Variants in PDE4D observed in about 807,000 individuals in gnomAD.
PDE4D encodes the protein 3',5'-cyclic-AMP phosphodiesterase 4D.
In PDE4D, 24 loss-of-function variants were observed where a neutral mutation model predicts 87.4. The observed-to-expected ratio is 0.27, with a 90% CI of 0.20 to 0.39. The LOEUF (loss-of-function observed/expected upper bound fraction) is 0.39, where lower values mean the gene tolerates loss of function less well. Ranked by LOEUF, PDE4D falls within the 10% of genes least tolerant of loss-of-function variation. PDE4D has a pLI of 1.00. For missense variants in PDE4D, 714 were observed against 1,041.0 expected (o/e 0.69, Z 4.32); for synonymous variants, 384 against 383.2 (o/e 1.00, Z -0.02).
chr5:60,356,359 C>T (rs1367043481), intron 1 of PDE4D, among the ~76,000 whole-genome samples: 1 of 152,168 alleles, frequency 6.6e-6, no homozygotes, highest in African/African-American at 2.4e-5. Context: ...GTTGTCAATG[C>T]TTTTCTCCGA....
chr5:58,992,439 T>C (rs952521936), intron 7 of PDE4D, among the ~76,000 whole-genome samples: 2 of 152,166 alleles, frequency 1.3e-5, no homozygotes, highest in African/African-American at 2.4e-5. Flanking sequence ...AGAAACTTTA[T>C]ACGCAAATGT....
At chr5:59,066,350 G>A (rs72770700) in intron 5 of PDE4D, among the ~76,000 whole-genome samples, 29 of 152,200 alleles carry the variant, frequency 1.9e-4, no homozygotes, top group Non-Finnish European at 3.4e-4. Flanking sequence ...GGAGCTATTA[G>A]GGCACAAGAA....
rs575798854 is a variant in PDE4D at position 59,244,549 on chromosome 5, T to C, written c.456-28581A>G. Among the ~76,000 whole-genome samples, 4 of 150,696 alleles carry C rather than the reference T, an allele frequency of 2.7e-5. No homozygotes were observed. The South Asian group carries it at 8.4e-4, about 31-fold the overall frequency. Reference sequence around the variant, plus strand: ...AGGTCTCTCTCTCTATATACACACATATATGTATACGTGTACACACATATG... The same window carrying C: ...AGGTCTCTCTCTCTATATACACACACATATGTATACGTGTACACACATATG... On this transcript the variant is annotated intron_variant, in intron 1 of 14. Transcript: ENST00000340635.
chr5:60,308,460 A>G (rs1288667393), intron 1 of PDE4D, among the ~76,000 whole-genome samples: 1 of 152,210 alleles, frequency 6.6e-6, no homozygotes, highest in African/African-American at 2.4e-5. Flanking sequence ...ACGTTGCTGT[A>G]GACATTTAAG....
chr5:59,114,281 T>TA (rs1411206380), intron 5 of PDE4D, among the ~76,000 whole-genome samples: 1 of 152,188 alleles, frequency 6.6e-6, no homozygotes, highest in Non-Finnish European at 1.5e-5. Flanking sequence ...AAGTATATAT[T>TA]AATGGTGGCA....
At chr5:59,588,022 G>A (rs1375540763) in intron 1 of PDE4D, among the ~76,000 whole-genome samples, 3 of 152,140 alleles carry the variant, frequency 2.0e-5, no homozygotes, top group Admixed American at 6.5e-5. Context: ...GGGTGGGGAA[G>A]CCTTGTTTAC....
chr5:60,095,417 A>G (rs531312078), intron 2 of PDE4D, among the ~76,000 whole-genome samples: 37 of 152,292 alleles, frequency 2.4e-4, no homozygotes, highest in Non-Finnish European at 3.1e-4. Context: ...TCTATGGTGT[A>G]TATGTGCCAC....
chr5:59,157,972 G>T (rs1780498019), intron 5 of PDE4D, among the ~76,000 whole-genome samples: 1 of 152,150 alleles, frequency 6.6e-6, no homozygotes, highest in African/African-American at 2.4e-5. Flanking sequence ...GAAGGAAAGG[G>T]TATTGATTTG....
rs971101696 is a variant in PDE4D, at chr5:59,193,396, T to C, written c.684+104A>G. 8 of 1,058,526 alleles carry C rather than the reference T, an allele frequency of 7.6e-6. No homozygotes were observed. The Middle Eastern group carries it at 6.0e-4, about 79-fold the overall frequency. The allele number at this position is 1,058,526 out of a possible 1,614,324, so 65.6% of individuals were successfully genotyped here. A position where few individuals can be genotyped will look rare whatever the true frequency, so the allele number is the denominator to read the frequency against. On this transcript the variant is annotated intron_variant, in intron 3 of 14. Coordinates refer to ENST00000340635, the MANE Select transcript of PDE4D (RefSeq NM_001104631.2). Reference sequence around the variant, plus strand: ...ATGAACCAAGAATTTGTATTTGTACTTGTGCTTGATTTAAAATTAAATTAA... The same window carrying C: ...ATGAACCAAGAATTTGTATTTGTACCTGTGCTTGATTTAAAATTAAATTAA...
chr5:59,393,049 GA>G (rs1244735661), intron 1 of PDE4D, among the ~76,000 whole-genome samples: 1 of 151,990 alleles, frequency 6.6e-6, no homozygotes, highest in African/African-American at 2.4e-5. Flanking sequence ...TGAATGAAAA[GA>G]AAAAGTAATG....
chr5:60,141,778 G>A (rs1321930126), intron 2 of PDE4D, among the ~76,000 whole-genome samples: 2 of 152,052 alleles, frequency 1.3e-5, no homozygotes, highest in Non-Finnish European at 2.9e-5. Flanking sequence ...ATCCTGATAA[G>A]CTGAAACAAT....
intron 2 of PDE4D, among the ~76,000 whole-genome samples, chr5:60,115,354 T>C (rs939056932): frequency 6.6e-6 from 1 of 152,048 alleles, no homozygotes; most frequent in African/African-American, 2.4e-5. Context: ...GGTCTCTGAG[T>C]GAATCTGACA....
intron 1 of PDE4D, among the ~76,000 whole-genome samples, chr5:59,369,920 G>A (rs139356006): frequency 6.6e-6 from 1 of 152,170 alleles, no homozygotes; most frequent in Non-Finnish European, 1.5e-5. Context: ...CTCCTCCCTT[G>A]AACTCCTCAA....
intron 1 of PDE4D, among the ~76,000 whole-genome samples, chr5:60,346,433 G>C (rs1455283327): frequency 6.6e-6 from 1 of 152,122 alleles, no homozygotes; most frequent in East Asian, 1.9e-4. Flanking sequence ...GTATTCAGAT[G>C]CTGTTCTCTA....
chr5:59,402,488 G>A (rs1790832928), intron 1 of PDE4D, among the ~76,000 whole-genome samples: 2 of 152,106 alleles, frequency 1.3e-5, no homozygotes, highest in African/African-American at 4.8e-5. Context: ...TGCCAATAAA[G>A]AGCACGACAA....
intron 6 of PDE4D, chr5:58,999,615 A>G: frequency 8.3e-7 from 1 of 1,208,526 alleles, no homozygotes. Context: ...CAAAATCTCG[A>G]CACTTTAACA....
chr5:59,283,384 GT>G (rs917452590), intron 1 of PDE4D, among the ~76,000 whole-genome samples: 1 of 151,834 alleles, frequency 6.6e-6, no homozygotes, highest in Non-Finnish European at 1.5e-5. Context: ...CACATCTAAG[GT>G]TTTTTTCTCT....
At chr5:59,103,374 A>G (rs6865647) in intron 5 of PDE4D, among the ~76,000 whole-genome samples, 27,239 of 152,100 alleles carry the variant, frequency 0.18, 2,813 homozygotes, top group African/African-American at 0.28. Flanking sequence ...AAGATTGCAA[A>G]CTGGCAATCC....
intron 1 of PDE4D, among the ~76,000 whole-genome samples, chr5:59,497,075 A>G (rs1302797835): frequency 6.6e-6 from 1 of 152,142 alleles, no homozygotes; most frequent in East Asian, 1.9e-4. Flanking sequence ...AGGAACCCAT[A>G]CAGAGCCTTG....
Sources: gnomAD v4.1 joint callset for allele counts (sites outside exome capture counted in the v4.1 genomes callset) on GRCh38, gnomAD v4.1.1 for gene constraint, MANE v1.5 for transcripts, NCBI Gene and HGNC (gene_info 2026-07-23, HGNC 2026-07-21) for gene names.